Variants in PHF24 observed in about 807,000 individuals in gnomAD.
PHF24 encodes Galpha inhibitory interacting protein.
Under a neutral mutation model 42.6 loss-of-function variants are expected in PHF24, and 25 were observed. The ratio of observed to expected loss-of-function variants is 0.59; its 90% CI spans 0.43 to 0.82. PHF24 has a LOEUF of 0.82. PHF24 is among the 40% of genes least tolerant of loss of function. The probability of loss-of-function intolerance (pLI) is 0.00; values close to 1 mark genes in which losing one functional copy is unlikely to be tolerated. For synonymous variants in PHF24, 185 were observed against 204.8 expected (o/e 0.90, Z 0.83); for missense variants, 470 against 538.1 (o/e 0.87, Z 1.25).
the PHF24 span, among the ~76,000 whole-genome samples, chr9:34,683,061 C>CTT: frequency 7.9e-4 from 49 of 62,236 alleles, no homozygotes; most frequent in Non-Finnish European, 1.3e-3. Context: ...TTCTTTCTTT[C>CTT]TCTCTTTTTT....
chr9:34,723,249 G>C, the PHF24 span: 3 of 1,551,526 alleles, frequency 1.9e-6, no homozygotes, highest in Non-Finnish European at 8.7e-7. Context: ...GGGTGCCCTG[G>C]TTTGTTGGCA....
the PHF24 span, among the ~76,000 whole-genome samples, chr9:34,916,805 G>C: frequency 6.6e-6 from 1 of 152,196 alleles, no homozygotes; most frequent in Non-Finnish European, 1.5e-5. Flanking sequence ...TTAGTTCAGA[G>C]AGTGCGTGGG....
At chr9:34,705,871 T>G in the PHF24 span, among the ~76,000 whole-genome samples, 1 of 152,148 alleles carries the variant, frequency 6.6e-6, no homozygotes, top group Non-Finnish European at 1.5e-5. Flanking sequence ...CAAGACCAGC[T>G]TGGGCAATAT....
chr9:34,942,594 A>G, the PHF24 span, among the ~76,000 whole-genome samples: 813 of 152,320 alleles, frequency 5.3e-3, 5 homozygotes, highest in African/African-American at 0.018. Context: ...GGCAAATTGT[A>G]AATGAATATT....
chr9:34,828,435 A>AT, the PHF24 span, among the ~76,000 whole-genome samples: 3 of 151,950 alleles, frequency 2.0e-5, no homozygotes, highest in South Asian at 6.2e-4. Context: ...TGTATCTCAT[A>AT]TTTTTCAAAA....
the PHF24 span, among the ~76,000 whole-genome samples, chr9:34,925,707 C>G: frequency 2.6e-5 from 4 of 151,954 alleles, no homozygotes; most frequent in Admixed American, 2.0e-4. Flanking sequence ...ATTGAATTGT[C>G]TATCTGTATT....
At chr9:34,892,720 T>G in the PHF24 span, 1 of 468,694 alleles carries the variant, frequency 2.1e-6, no homozygotes, top group Non-Finnish European at 3.8e-6. Context: ...TCAGAGGAAT[T>G]CCAGGCTTCT....
chr9:34,847,264 C>G, the PHF24 span, among the ~76,000 whole-genome samples: 2 of 152,174 alleles, frequency 1.3e-5, no homozygotes, highest in Non-Finnish European at 2.9e-5. Flanking sequence ...TTTGTATCCT[C>G]TTTTATTTCG....
the PHF24 span, among the ~76,000 whole-genome samples, chr9:34,735,602 C>G: frequency 5.9e-5 from 9 of 151,316 alleles, no homozygotes; most frequent in African/African-American, 2.2e-4. Context: ...AGTTCAAGAC[C>G]AGCCTGGCCA....
At chr9:34,967,452 A>T (rs1384486312) in intron 1 of PHF24, among the ~76,000 whole-genome samples, 1 of 152,238 alleles carries the variant, frequency 6.6e-6, no homozygotes, top group Admixed American at 6.5e-5. Flanking sequence ...ATCACAAAAA[A>T]TATATTTCTT....
chr9:34,872,610 T>C, the PHF24 span, among the ~76,000 whole-genome samples: 1 of 142,544 alleles, frequency 7.0e-6, no homozygotes, highest in African/African-American at 2.6e-5. Context: ...CTATCATTGT[T>C]GGACATTTGG....
chr9:34,928,216 C>T, the PHF24 span, among the ~76,000 whole-genome samples: 1 of 109,284 alleles, frequency 9.2e-6, no homozygotes, highest in Non-Finnish European at 1.8e-5. Context: ...GACTCTGTCT[C>T]AAAAAAAAAA....
the PHF24 span, among the ~76,000 whole-genome samples, chr9:34,792,020 T>G: frequency 6.6e-6 from 1 of 152,216 alleles, no homozygotes; most frequent in African/African-American, 2.4e-5. Context: ...TAAGAAGGCA[T>G]TTTACAGCAT....
the PHF24 span, among the ~76,000 whole-genome samples, chr9:34,735,060 G>T: frequency 1.3e-5 from 2 of 151,960 alleles, no homozygotes; most frequent in South Asian, 4.2e-4. Context: ...AAGGAAAGGG[G>T]TGATCATTTT....
the PHF24 span, among the ~76,000 whole-genome samples, chr9:34,763,627 A>G: frequency 2.0e-5 from 3 of 152,132 alleles, no homozygotes; most frequent in Non-Finnish European, 4.4e-5. Context: ...TAGATATACA[A>G]TCATGTCATC....
chr9:34,904,110 G>A, the PHF24 span, among the ~76,000 whole-genome samples: 2 of 152,106 alleles, frequency 1.3e-5, no homozygotes, highest in Non-Finnish European at 1.5e-5. Context: ...TAGGGTAGAC[G>A]ATTATATTGT....
chr9:34,923,734 G>C, the PHF24 span, among the ~76,000 whole-genome samples: 2 of 151,722 alleles, frequency 1.3e-5, no homozygotes, highest in Admixed American at 1.3e-4. Context: ...TCTAACTAAA[G>C]GTTTGTCCAT....
the PHF24 span, among the ~76,000 whole-genome samples, chr9:34,705,039 A>C: frequency 6.6e-6 from 1 of 152,138 alleles, no homozygotes; most frequent in Non-Finnish European, 1.5e-5. Context: ...TGTAGATTTT[A>C]GAGATAATTC....
chr9:34,926,874 G>C, the PHF24 span, among the ~76,000 whole-genome samples: 2 of 152,190 alleles, frequency 1.3e-5, no homozygotes, highest in African/African-American at 4.8e-5. The surrounding 1 kb of genome is among the most constrained non-coding windows in gnomAD (Gnocchi z 4.3). Flanking sequence ...TCAAGTCCTG[G>C]ATGTGGGCTC....
Sources: gnomAD v4.1 joint callset for allele counts (sites outside exome capture counted in the v4.1 genomes callset) on GRCh38, gnomAD v4.1.1 for gene constraint, Gnocchi (gnomAD v3.1) non-coding constraint, MANE v1.5 for transcripts, NCBI Gene and HGNC (gene_info 2026-07-23, HGNC 2026-07-21) for gene names.